Variants in TCF4 observed in about 807,000 individuals in gnomAD.
TCF4 encodes SL3-3 enhancer factor 2.
TCF4 carries 3 observed loss-of-function variants against 82.1 expected under a neutral mutation model. The observed-to-expected ratio is 0.04, with a 90% CI of 0.02 to 0.09. TCF4 has a LOEUF of 0.09. Ranked by LOEUF, TCF4 falls within the 10% of genes least tolerant of loss-of-function variation. TCF4 has a pLI of 1.00. For missense variants in TCF4, 518 were observed against 852.7 expected (o/e 0.61, Z 4.89); for synonymous variants, 276 against 309.6 (o/e 0.89, Z 1.14).
At chr18:55,401,673 A>T in intron 6 of TCF4, 1 of 987,268 alleles carries the variant, frequency 1.0e-6, no homozygotes, top group South Asian at 4.7e-5. Flanking sequence ...TTCTGCACAT[A>T]CACAGACAGA....
intron 6 of TCF4, among the ~76,000 whole-genome samples, chr18:55,356,653 T>A (rs1437762632): frequency 6.6e-6 from 1 of 152,214 alleles, no homozygotes; most frequent in Non-Finnish European, 1.5e-5. Context: ...ACAGTATTGG[T>A]CACTGATAAA....
At chr18:55,269,694 A>G (rs776760788) in intron 11 of TCF4, 137 bp downstream of exon 11, 12 of 1,156,374 alleles carry the variant, frequency 1.0e-5, no homozygotes, top group Admixed American at 2.0e-5. Flanking sequence ...TGTTTGGTAC[A>G]TTTGTGTGTT....
chr18:55,511,601 C>A (rs1218231066), intron 3 of TCF4, among the ~76,000 whole-genome samples: 2 of 152,010 alleles, frequency 1.3e-5, no homozygotes, highest in Admixed American at 6.6e-5. Context: ...CAGTCAAATA[C>A]CCTGAGTGAT....
intron 8 of TCF4, chr18:55,302,751 A>G: frequency 1.4e-6 from 1 of 719,420 alleles, no homozygotes; most frequent in Non-Finnish European, 2.1e-6. Context: ...ATGACCAGGC[A>G]TGAGGCGTCC....
chr18:55,312,355 A>T (rs995676603), intron 8 of TCF4, among the ~76,000 whole-genome samples: 3 of 152,206 alleles, frequency 2.0e-5, no homozygotes, highest in Non-Finnish European at 4.4e-5. Flanking sequence ...TGTATTAAAG[A>T]TTCCAAAAAC....
chr18:55,559,684 C>T (rs2097338475), intron 3 of TCF4, among the ~76,000 whole-genome samples: 1 of 150,808 alleles, frequency 6.6e-6, no homozygotes, highest in African/African-American at 2.4e-5. Flanking sequence ...TTATAAGTGA[C>T]CTAGTGCCTT....
intron 3 of TCF4, among the ~76,000 whole-genome samples, chr18:55,486,563 G>A (rs1311877496): frequency 6.6e-6 from 1 of 152,220 alleles, no homozygotes; most frequent in Non-Finnish European, 1.5e-5. Flanking sequence ...CTGCACTCCA[G>A]CGTGGGTGAC....
At chr18:55,624,379 C>T (rs1175087221) in intron 2 of TCF4, among the ~76,000 whole-genome samples, 1 of 152,072 alleles carries the variant, frequency 6.6e-6, no homozygotes, top group Admixed American at 6.6e-5. Flanking sequence ...CACTGGGCAT[C>T]TCCCTAAATG....
intron 15 of TCF4, among the ~76,000 whole-genome samples, chr18:55,254,274 T>C (rs1241069320): frequency 1.3e-5 from 2 of 152,150 alleles, no homozygotes; most frequent in African/African-American, 4.8e-5. Context: ...TCTTTTCTTT[T>C]TGCAGGGGGC....
At chr18:55,261,322 A>T in intron 12 of TCF4, 144 bp downstream of exon 12, 1 of 978,676 alleles carries the variant, frequency 1.0e-6, no homozygotes, top group Non-Finnish European at 1.6e-6. Flanking sequence ...CAAATTTTCC[A>T]GTGACTGTTA....
intron 6 of TCF4, among the ~76,000 whole-genome samples, chr18:55,390,775 C>A (rs1380215037): frequency 6.6e-6 from 1 of 152,096 alleles, no homozygotes; most frequent in Non-Finnish European, 1.5e-5. Flanking sequence ...GTCTGGAGTC[C>A]AAAAACTGAT....
At chr18:55,306,318 C>T (rs907374254) in intron 8 of TCF4, among the ~76,000 whole-genome samples, 1 of 152,146 alleles carries the variant, frequency 6.6e-6, no homozygotes, top group African/African-American at 2.4e-5. Context: ...CACAGCTATA[C>T]AAGCCTGCTG....
At chr18:55,588,625 C>T (rs1174314403), upstream of TCF4, 2 of 1,458,742 alleles carry the variant, frequency 1.4e-6, no homozygotes, top group African/African-American at 1.4e-5. Context: ...CACACATCCA[C>T]ACACGGCAAA....
intron 3 of TCF4, among the ~76,000 whole-genome samples, chr18:55,567,091 C>T (rs1402580943): frequency 6.6e-6 from 1 of 152,064 alleles, no homozygotes; most frequent in African/African-American, 2.4e-5. Context: ...TAAAATGCCA[C>T]TCTGCATATT....
chr18:55,443,545 T>A (rs540838669), intron 5 of TCF4, among the ~76,000 whole-genome samples: 1 of 152,334 alleles, frequency 6.6e-6, no homozygotes, highest in South Asian at 2.1e-4. Flanking sequence ...TTGTTGTTGT[T>A]CTTGTTTTAG....
At chr18:55,459,662 C>T (rs558886512) in intron 5 of TCF4, among the ~76,000 whole-genome samples, 1 of 152,242 alleles carries the variant, frequency 6.6e-6, no homozygotes, top group African/African-American at 2.4e-5. Flanking sequence ...CTTTTAAAAT[C>T]TAAGTTGATA....
At chr18:55,387,068 A>C (rs930228546) in intron 6 of TCF4, among the ~76,000 whole-genome samples, 1 of 152,250 alleles carries the variant, frequency 6.6e-6, no homozygotes, top group Admixed American at 6.5e-5. Flanking sequence ...GCTATAGAGT[A>C]TTAGGACTGT....
At chr18:55,565,141 A>C (rs1403441936) in intron 3 of TCF4, among the ~76,000 whole-genome samples, 1 of 152,180 alleles carries the variant, frequency 6.6e-6, no homozygotes, top group Non-Finnish European at 1.5e-5. Flanking sequence ...AGTTGCTGGG[A>C]AGAATGGGAG....
chr18:55,377,671 T>C (rs900856131), intron 6 of TCF4, among the ~76,000 whole-genome samples: 7 of 152,224 alleles, frequency 4.6e-5, no homozygotes, highest in African/African-American at 1.4e-4. Flanking sequence ...GTTACCACTG[T>C]CCAGGGACCC....
Sources: gnomAD v4.1 joint callset for allele counts (sites outside exome capture counted in the v4.1 genomes callset) on GRCh38, gnomAD v4.1.1 for gene constraint, MANE v1.5 for transcripts, NCBI Gene and HGNC (gene_info 2026-07-23, HGNC 2026-07-21) for gene names.